The following EGFLAM variants were observed in gnomAD, a reference collection of about 807,000 sequenced individuals.
EGFLAM encodes the protein EGF like, fibronectin type III and laminin G domains, also known as pikachurin.
Under a neutral mutation model 113.1 loss-of-function variants are expected in EGFLAM, and 79 were observed. The observed-to-expected ratio is 0.70, with a 90% confidence interval of 0.58 to 0.84. The LOEUF is 0.84. Among genes scored for constraint, EGFLAM ranks in the 40% least tolerant of loss-of-function variants. The probability of loss-of-function intolerance (pLI) is 0.00; values close to 1 mark genes in which losing one functional copy is unlikely to be tolerated. For synonymous variants in EGFLAM, 504 were observed against 487.6 expected, an observed-to-expected ratio of 1.03 and a Z score of -0.44; for missense variants, 1,265 against 1,291.6, an observed-to-expected ratio of 0.98 and a Z score of 0.32.
At position 38,425,061 on chromosome 5, in the gene EGFLAM, C is replaced by G. The variant is rs1422647558; in HGVS notation, c.1779C>G (p.Pro593=). ...IKADSYICLC[P]LGFKGRHCED... The stretch of plus-strand genomic sequence containing the variant: ...CCGACTCCTACATTTGCCTCTGTCC[C>G]CTTGGGTTTAAAGGTCGACACTGTG... The change falls in exon 13 of 22, where the codon CCC becomes CCG. Residue 593 remains proline (P), a synonymous_variant. Coordinates refer to ENST00000322350, the MANE Select transcript of EGFLAM (RefSeq NM_152403.4). The G allele has an allele frequency of 1.2e-6, 2 of 1,613,984 alleles. No homozygotes were observed. Among genetic ancestry groups the G allele is most frequent in the Admixed American group, 3.3e-5 (2 of 60,004 alleles).
intron 1 of EGFLAM, among the ~76,000 whole-genome samples, chr5:38,308,218 G>A (rs575756978): frequency 6.6e-6 from 1 of 152,244 alleles, no homozygotes; most frequent in Non-Finnish European, 1.5e-5. Context: ...CAGCCACAGA[G>A]TTCTTGTTAA....
intron 12 of EGFLAM, among the ~76,000 whole-genome samples, chr5:38,424,468 C>T (rs1215376905): frequency 6.6e-6 from 1 of 152,218 alleles, no homozygotes; most frequent in Non-Finnish European, 1.5e-5. Flanking sequence ...GTGAGTTAAT[C>T]AGCTTAGACG....
intron 3 of EGFLAM, among the ~76,000 whole-genome samples, chr5:38,341,422 G>A (rs73073483): frequency 0.023 from 3,464 of 152,212 alleles, 142 homozygotes; most frequent in African/African-American, 0.079. Flanking sequence ...TCACTATCAC[G>A]AGAACAGCAT....
Position 38,258,772 on chromosome 5 carries a change from C to A in EGFLAM, c.18C>A (p.Gly6=). The A allele has an allele frequency of 6.2e-7, 1 of 1,611,372 alleles. No individual in the cohort carries two copies. The highest frequency in any genetic ancestry group is 8.5e-7 in the Non-Finnish European group (1 of 1,179,136). Reference sequence around the variant, plus strand: ...GCTGCGAAATGGATTTAATCCGAGGCGTCTTGCTCCGGCTCCTGCTCCTGG... The same window carrying A: ...GCTGCGAAATGGATTTAATCCGAGGAGTCTTGCTCCGGCTCCTGCTCCTGG... MDLIR[G]VLLRLLLLAS... The change falls in exon 1 of 22, where the codon GGC becomes GGA. Residue 6 remains glycine (G), a synonymous_variant. Coordinates refer to ENST00000322350, the MANE Select transcript of EGFLAM (RefSeq NM_152403.4).
At chr5:38,366,551 A>G (rs530172974) in intron 5 of EGFLAM, among the ~76,000 whole-genome samples, 4 of 152,310 alleles carry the variant, frequency 2.6e-5, no homozygotes, top group African/African-American at 7.2e-5. Flanking sequence ...TATCAAGAAA[A>G]GTGATTGTTC....
chr5:38,416,967 T>G lies in EGFLAM; in HGVS notation c.1495-1099T>G, dbSNP rs529117542. ...AAGATTATGTTTCAGAGTCTTACACTCTGAACATTTTATAAGTTCTGGCAG... is the reference window on the plus strand; with the variant it reads ...AAGATTATGTTTCAGAGTCTTACACGCTGAACATTTTATAAGTTCTGGCAG... On this transcript the variant is annotated intron_variant, in intron 11 of 21. Coordinates refer to ENST00000322350, the MANE Select transcript of EGFLAM (RefSeq NM_152403.4). 5.9e-4 allele frequency among the ~76,000 whole-genome samples: 90 copies of G among 152,292 alleles called. 1 individual carries two copies. The highest frequency in any genetic ancestry group is 2.1e-3 in the African/African-American group (89 of 41,554).
At chr5:38,351,502 A>G (rs2561110) in intron 4 of EGFLAM, among the ~76,000 whole-genome samples, 33,023 of 152,052 alleles carry the variant, frequency 0.22, 3,769 homozygotes, top group African/African-American at 0.29. Context: ...GAAAAGTCCT[A>G]CCTTTGGCCC....
intron 14 of EGFLAM, 89 bp downstream of exon 14, chr5:38,427,341 C>T: frequency 6.5e-7 from 1 of 1,547,664 alleles, no homozygotes; most frequent in Non-Finnish European, 8.7e-7. Context: ...TTCAACAGCT[C>T]ACACTCATCC....
At position 38,351,143 on chromosome 5, in the gene EGFLAM, CTG is replaced by C. The variant is rs574691374; in HGVS notation, c.409+527_409+528del. Reference sequence around the variant, plus strand: ...TTTTTTTTTGAGACAGAGTCTCACTCTGTCACCCAGGCTGGAGTGTAGTGGCG... The same window carrying C: ...TTTTTTTTTGAGACAGAGTCTCACTCTCACCCAGGCTGGAGTGTAGTGGCG... On this transcript the variant is annotated intron_variant, in intron 4 of 21. Coordinates refer to ENST00000322350, the MANE Select transcript of EGFLAM (RefSeq NM_152403.4). 4.0e-4 allele frequency among the ~76,000 whole-genome samples: 59 copies of C among 148,584 alleles called. No individual in the cohort carries two copies. In the South Asian group the frequency reaches 4.5e-3, roughly 11 times the overall value.
chr5:38,281,115 A>G (rs796079127), intron 1 of EGFLAM, among the ~76,000 whole-genome samples: 67 of 152,358 alleles, frequency 4.4e-4, no homozygotes, highest in African/African-American at 1.5e-3. Context: ...AATAAGTTCT[A>G]GAGATCCCTT....
At chr5:38,324,569 T>C (rs983026024) in intron 1 of EGFLAM, among the ~76,000 whole-genome samples, 2 of 152,176 alleles carry the variant, frequency 1.3e-5, no homozygotes, top group African/African-American at 4.8e-5. Context: ...CTTCCTTCTC[T>C]CTGCCATTTA....
At chr5:38,401,094 A>C (rs1476652145) in intron 6 of EGFLAM, 1 of 152,142 alleles carries the variant, frequency 6.6e-6, no homozygotes, top group East Asian at 1.9e-4. Context: ...TATGTGCCTT[A>C]TTTTACTTGT....
Position 38,302,641 on chromosome 5 carries a change from C to T in EGFLAM, c.98-34879C>T, listed in dbSNP as rs552807469. ...TCCCCCAACAGTTCAGAAGCACTTC[C>T]GCACACAGACTCTTGACATTTCAGA... On this transcript the variant is annotated intron_variant, in intron 1 of 21. Coordinates refer to ENST00000322350, the MANE Select transcript of EGFLAM (RefSeq NM_152403.4). 5.3e-5 allele frequency among the ~76,000 whole-genome samples: 8 copies of T among 151,396 alleles called. No homozygotes were observed. In the South Asian group the frequency reaches 6.3e-4, roughly 12 times the overall value.
chr5:38,349,389 A>T (rs905224732), intron 3 of EGFLAM, among the ~76,000 whole-genome samples: 2 of 152,156 alleles, frequency 1.3e-5, no homozygotes, highest in African/African-American at 4.8e-5. Context: ...CCAAGACAAT[A>T]TCATGACCAC....
chr5:38,320,624 G>A (rs932955082), intron 1 of EGFLAM, among the ~76,000 whole-genome samples: 10 of 152,064 alleles, frequency 6.6e-5, no homozygotes, highest in South Asian at 2.1e-4. Context: ...ATATGCTTAC[G>A]TGTGTGTGTG....
intron 1 of EGFLAM, among the ~76,000 whole-genome samples, chr5:38,272,310 T>C (rs1232749755): frequency 6.6e-6 from 1 of 152,172 alleles, no homozygotes; most frequent in African/African-American, 2.4e-5. Context: ...ACTCATACAC[T>C]GAAAAGTAGT....
intron 5 of EGFLAM, among the ~76,000 whole-genome samples, chr5:38,360,132 A>T (rs866822332): frequency 6.6e-6 from 1 of 152,322 alleles, no homozygotes; most frequent in Middle Eastern, 3.4e-3. Context: ...GACCCTGCAA[A>T]GGCTGTTACT....
chr5:38,347,947 T>C (rs1739516754), intron 3 of EGFLAM, among the ~76,000 whole-genome samples: 1 of 151,938 alleles, frequency 6.6e-6, no homozygotes, highest in South Asian at 2.1e-4. Flanking sequence ...TCAAGTGATA[T>C]GAAAGAGGTG....
intron 1 of EGFLAM, among the ~76,000 whole-genome samples, chr5:38,308,039 TG>T (rs1217850332): frequency 2.0e-5 from 3 of 152,242 alleles, no homozygotes; most frequent in Non-Finnish European, 4.4e-5. Flanking sequence ...TACTGTTGTG[TG>T]GGAAAGAATA....
Sources: allele counts gnomAD v4.1 joint callset (sites outside exome capture counted in the v4.1 genomes callset), GRCh38; gene constraint gnomAD v4.1.1; transcripts MANE v1.5; gene names NCBI Gene and HGNC (gene_info 2026-07-23, HGNC 2026-07-21).